CFAP44: variants seen among roughly 807,000 people sequenced by gnomAD.
CFAP44 encodes cilia and flagella associated protein 44, also known as cilia- and flagella-associated protein 44.
In CFAP44, 134 loss-of-function variants were observed where a neutral mutation model predicts 216.2. That is an observed-to-expected ratio of 0.62 (90% CI 0.54 to 0.72). CFAP44 has a LOEUF of 0.72. Ranked by LOEUF, CFAP44 falls within the 30% of genes least tolerant of loss-of-function variation. CFAP44 has a pLI of 0.00. For missense variants in CFAP44, 2,035 were observed against 2,182.1 expected, an observed-to-expected ratio of 0.93 and a Z score of 1.34; for synonymous variants, 700 against 727.6, an observed-to-expected ratio of 0.96 and a Z score of 0.61.
chr3:113,403,936 G>C lies in CFAP44; in HGVS notation c.1086C>G (p.Ser362Arg), dbSNP rs759777550. The change falls in exon 9 of 35, where the codon AGC (serine) becomes AGG (arginine). Residue 362 changes from serine to arginine, a missense_variant. Coordinates refer to ENST00000393845, the MANE Select transcript of CFAP44 (RefSeq NM_001164496.2). ...LIKVELCRGT[S>R]KSCHNGPINQ... ...TAATGGGACCATTGTGACATGACTT[G>C]CTTGTCCCTCGACAGAGCTCCACTT... 4 of 1,614,148 alleles carry C rather than the reference G, an allele frequency of 2.5e-6. No individual in the cohort carries two copies. The Admixed American group carries it at 6.7e-5, about 27-fold the overall frequency.
intron 32 of CFAP44, among the ~76,000 whole-genome samples, chr3:113,300,501 T>A (rs902788946): frequency 6.6e-6 from 1 of 150,546 alleles, no homozygotes; most frequent in Admixed American, 6.6e-5. Flanking sequence ...ATACCTACTA[T>A]GTACCCACAA....
chr3:113,366,335 T>C (rs1932934734), intron 18 of CFAP44, 26 bp from the exon 19 acceptor site: 4 of 1,585,240 alleles, frequency 2.5e-6, no homozygotes, highest in Non-Finnish European at 3.4e-6. Context: ...TGTAAATTGT[T>C]CTTCCCATTA....
chr3:113,348,698 A>T (rs899887662), intron 22 of CFAP44, among the ~76,000 whole-genome samples: 3 of 152,174 alleles, frequency 2.0e-5, no homozygotes, highest in Non-Finnish European at 1.5e-5. Context: ...GCTATTGGTT[A>T]TGTCCCCTTC....
At chr3:113,340,250 G>A (rs1474223360) in intron 24 of CFAP44, among the ~76,000 whole-genome samples, 1 of 152,214 alleles carries the variant, frequency 6.6e-6, no homozygotes, top group Non-Finnish European at 1.5e-5. Flanking sequence ...CACCTTCGGA[G>A]GCTGAGCCTA....
intron 21 of CFAP44, chr3:113,360,924 T>TA: frequency 4.2e-6 from 1 of 237,278 alleles, no homozygotes; most frequent in Non-Finnish European, 8.6e-6. Context: ...ATGCTACTAA[T>TA]ATAAAAAAAA....
chr3:113,415,198 C>T (rs1934610785), intron 6 of CFAP44, among the ~76,000 whole-genome samples: 2 of 152,132 alleles, frequency 1.3e-5, no homozygotes, highest in Admixed American at 6.6e-5. Context: ...TCTGTGGGTT[C>T]AGTGGTGATT....
chr3:113,294,032 CA>C (rs1291221704), intron 34 of CFAP44: 4 of 456,534 alleles, frequency 8.8e-6, no homozygotes, highest in Non-Finnish European at 1.8e-5. Context: ...AGACCATTTC[CA>C]GGGTTCTGAA....
chr3:113,327,561 A>G (rs777994379), intron 27 of CFAP44, 55 bp downstream of exon 27: 71 of 1,438,308 alleles, frequency 4.9e-5, no homozygotes, highest in Non-Finnish European at 6.3e-5. Flanking sequence ...AAAAGAAATC[A>G]AGTTTCTCCA....
At chr3:113,436,015 TGGAGGGGGTGGGGTTA>T (rs1175696385) in intron 1 of CFAP44, among the ~76,000 whole-genome samples, 1 of 151,870 alleles carries the variant, frequency 6.6e-6, no homozygotes, top group Non-Finnish European at 1.5e-5. Flanking sequence ...TTGGGGTTTA[TGGAGGGGGTGGGGTTA>T]GGAATCAAAC....
chr3:113,298,737 A>G (rs531522919), intron 32 of CFAP44, among the ~76,000 whole-genome samples: 1 of 152,380 alleles, frequency 6.6e-6, no homozygotes, highest in East Asian at 1.9e-4. Flanking sequence ...GCCAGTCACA[A>G]AAAGACAAAT....
At chr3:113,346,675 T>C (rs1950386799) in intron 22 of CFAP44, among the ~76,000 whole-genome samples, 1 of 152,132 alleles carries the variant, frequency 6.6e-6, no homozygotes, top group African/African-American at 2.4e-5. Flanking sequence ...AGTGCACCAA[T>C]CAGCACTCTG....
intron 22 of CFAP44, among the ~76,000 whole-genome samples, chr3:113,357,768 G>A (rs186558915): frequency 2.0e-5 from 3 of 152,170 alleles, no homozygotes; most frequent in Admixed American, 1.3e-4. Context: ...TTTTCAAACC[G>A]TTTTGAAAAA....
intron 22 of CFAP44, among the ~76,000 whole-genome samples, chr3:113,356,402 A>T (rs1358954492): frequency 1.3e-5 from 2 of 152,152 alleles, no homozygotes; most frequent in African/African-American, 4.8e-5. Context: ...CAAAGAACCT[A>T]ACCAATCTTG....
Position 113,289,215 on chromosome 3 carries a change from C to G in CFAP44, c.*2342G>C, listed in dbSNP as rs1205870593. 1 of 152,208 alleles carries G rather than the reference C, an allele frequency of 6.6e-6. No individual in the cohort carries two copies. The highest frequency in any genetic ancestry group is 1.5e-5 in the Non-Finnish European group (1 of 68,040). The allele number at this position is 152,208 out of a possible 1,614,324, so 9.4% of individuals were successfully genotyped here. A position where few individuals can be genotyped will look rare whatever the true frequency, so the allele number is the denominator to read the frequency against. On this transcript the variant is annotated 3_prime_UTR_variant, in exon 35 of 35. Coordinates refer to ENST00000393845, the MANE Select transcript of CFAP44 (RefSeq NM_001164496.2). ...ACCTAAAGCTATCAACATATTTTGT[C>G]CAATTCAAAATAAAGTAATTCAGTG...
At chr3:113,369,434 C>G (rs1169314995) in intron 18 of CFAP44, among the ~76,000 whole-genome samples, 1 of 152,190 alleles carries the variant, frequency 6.6e-6, no homozygotes, top group Non-Finnish European at 1.5e-5. Flanking sequence ...TCACTCAAAA[C>G]TGCACAACTA....
intron 32 of CFAP44, among the ~76,000 whole-genome samples, chr3:113,302,570 G>T (rs59742486): frequency 0.028 from 4,276 of 150,678 alleles, 106 homozygotes; most frequent in East Asian, 0.099. Flanking sequence ...GACCAGCCTG[G>T]CCACCATGGA....
chr3:113,300,567 G>T (rs1000173270), intron 32 of CFAP44, among the ~76,000 whole-genome samples: 1 of 150,352 alleles, frequency 6.7e-6, no homozygotes, highest in African/African-American at 2.4e-5. Flanking sequence ...CCATAAACGT[G>T]AAAACAAAAA....
chr3:113,291,680 T>G lies in CFAP44; in HGVS notation c.5442A>C (p.Gln1814His). The G allele has an allele frequency of 6.5e-7, 1 of 1,537,132 alleles. No homozygotes were observed. Among genetic ancestry groups the G allele is most frequent in the South Asian group, 1.2e-5 (1 of 84,036 alleles). Residue 1814 changes from glutamine (Q) to histidine (H), a missense_variant, in exon 35 of 35, where the codon CAA becomes CAC. Gln to His is a conservative substitution (Grantham distance 24). This residue lies in a region of CFAP44 where 1,883 missense variants were observed against 2,023.7 expected (regional missense o/e 0.93). Coordinates refer to ENST00000393845, the MANE Select transcript of CFAP44 (RefSeq NM_001164496.2). ...AGGCCGAAATCCTTTCCGCCTGGAG[T>G]TGGATCAATTCAGTGACCTCCTCTC... ...VAREEVTELI[Q>H]LQAERISALK... is the part of the protein sequence containing the mutation.
At chr3:113,337,052 C>T (rs1177083194) in intron 24 of CFAP44, among the ~76,000 whole-genome samples, 2 of 150,816 alleles carry the variant, frequency 1.3e-5, no homozygotes, top group Non-Finnish European at 1.5e-5. Context: ...GTTGTCTACA[C>T]TTAAAATACC....
Sources: allele counts gnomAD v4.1 joint callset (sites outside exome capture counted in the v4.1 genomes callset), GRCh38; gene constraint gnomAD v4.1.1; regional missense constraint gnomAD v4.1.1; transcripts MANE v1.5; gene names NCBI Gene and HGNC (gene_info 2026-07-23, HGNC 2026-07-21).